The following PI4KA variants were observed in gnomAD, a reference collection of about 807,000 sequenced individuals.
PI4KA encodes phosphatidylinositol 4-kinase alpha.
PI4KA carries 122 observed loss-of-function variants against 271.4 expected under a neutral mutation model. That is an observed-to-expected ratio of 0.45 (90% CI 0.39 to 0.52). The LOEUF is 0.52. Among genes scored for constraint, PI4KA ranks in the 20% least tolerant of loss-of-function variants. The probability of loss-of-function intolerance (pLI) is 0.00; values close to 1 mark genes in which losing one functional copy is unlikely to be tolerated. For synonymous variants in PI4KA, 1,041 were observed against 1,078.8 expected (o/e 0.96, Z 0.69); for missense variants, 1,969 against 2,769.1 (o/e 0.71, Z 6.48).
intron 3 of PI4KA, among the ~76,000 whole-genome samples, chr22:20,826,081 A>G (rs1374912366): frequency 6.6e-6 from 1 of 152,116 alleles, no homozygotes; most frequent in Non-Finnish European, 1.5e-5. Context: ...GTGGCCTCAC[A>G]CTTGTAATCC....
chr22:20,792,211 T>C (rs1180085339), intron 19 of PI4KA, among the ~76,000 whole-genome samples: 1 of 152,204 alleles, frequency 6.6e-6, no homozygotes, highest in Non-Finnish European at 1.5e-5. Context: ...TCAGTTACTA[T>C]TTTTCATCTA....
At chr22:20,853,948 T>G (rs178064) in intron 1 of PI4KA, among the ~76,000 whole-genome samples, 72,939 of 149,742 alleles carry the variant, frequency 0.49, 18,292 homozygotes, top group African/African-American at 0.59. Flanking sequence ...GGATTTATGG[T>G]ATTTCATTGG....
In PI4KA at chr22:20,799,129, A is replaced by G. The variant is rs1601524319; in HGVS notation, c.1968T>C (p.Ile656=). ...CQPPSPLDVL[I]IDQLGCLVIT... is the part of the protein sequence containing the mutation. ...TAACCAGGCAGCCCAGCTGGTCAAT[A>G]ATCAGCACATCGAGGGGGGAGGGTG... The change falls in exon 16 of 55, where the codon ATT becomes ATC. Residue 656 remains isoleucine, a synonymous_variant. Transcript: ENST00000255882. 1 of 1,613,602 alleles carries G rather than the reference A, an allele frequency of 6.2e-7. No individual in the cohort carries two copies. The highest frequency in any genetic ancestry group is 2.2e-5 in the East Asian group (1 of 44,856).
At chr22:20,769,596 G>C (rs1932783529) in intron 19 of PI4KA, among the ~76,000 whole-genome samples, 1 of 151,604 alleles carries the variant, frequency 6.6e-6, no homozygotes. Flanking sequence ...TTGAAACCAG[G>C]AGGCCGAGGT....
In PI4KA at chr22:20,809,809, G is replaced by A. The variant is rs186504955; in HGVS notation, c.1071+1158C>T. ...CAACTTGGGGAGTTATAAGAACTCTGTTACTTAACCAAGAACCAACCCAGA... is the reference window on the plus strand; with the variant it reads ...CAACTTGGGGAGTTATAAGAACTCTATTACTTAACCAAGAACCAACCCAGA... On this transcript the variant is annotated intron_variant, in intron 9 of 54. Transcript: ENST00000255882. Among the ~76,000 whole-genome samples, 125 of 152,308 alleles carry A rather than the reference G, an allele frequency of 8.2e-4. 3 individuals are homozygous for A. Among genetic ancestry groups the A allele is most frequent in the South Asian group, 7.0e-3 (34 of 4,824 alleles).
intron 29 of PI4KA, among the ~76,000 whole-genome samples, chr22:20,745,587 G>T (rs184549209): frequency 6.6e-6 from 1 of 152,220 alleles, no homozygotes; most frequent in East Asian, 1.9e-4. Context: ...TTTCTCTCAT[G>T]AAATTATTAA....
intron 8 of PI4KA, 28 bp from the exon 9 acceptor site, chr22:20,811,060 C>T (rs1380266252): frequency 2.6e-6 from 4 of 1,544,088 alleles, no homozygotes; most frequent in Non-Finnish European, 3.6e-6. Context: ...CCTCATGAAG[C>T]AACTGACATA....
At chr22:20,854,669 C>T (rs1395903135) in intron 1 of PI4KA, among the ~76,000 whole-genome samples, 12 of 152,010 alleles carry the variant, frequency 7.9e-5, no homozygotes, top group Admixed American at 7.9e-4. Flanking sequence ...CCAGGTCAAC[C>T]CTATCTAGAT....
intron 12 of PI4KA, among the ~76,000 whole-genome samples, chr22:20,804,050 G>A (rs1935496446): frequency 6.6e-6 from 1 of 152,208 alleles, no homozygotes; most frequent in Admixed American, 6.5e-5. Flanking sequence ...ATGGCCCCCA[G>A]CCTCACAACA....
In PI4KA at chr22:20,726,751, G is replaced by A. The variant is rs3788324; in HGVS notation, c.4942-210C>T. Among the ~76,000 whole-genome samples the A allele has an allele frequency of 8.0e-3, 1,225 of 152,346 alleles. 9 individuals carry two copies. Among genetic ancestry groups the A allele is most frequent in the East Asian group, 0.055 (284 of 5,178 alleles). On this transcript the variant is annotated intron_variant, in intron 41 of 54. Coordinates refer to ENST00000255882, the MANE Select transcript of PI4KA (RefSeq NM_058004.4). ...GCAAGGCTCCCGCTCTACAGCGGGC[G>A]AGGGCCTCGTGCTCCTCACTAGGGA...
Position 20,712,505 on chromosome 22 carries a change from G to T in PI4KA, c.5783C>A (p.Ser1928Tyr), listed in dbSNP as rs770021423. The change falls in exon 50 of 55, where the codon TCC becomes TAC. Residue 1928 changes from serine to tyrosine, a missense_variant. Coordinates refer to ENST00000255882, the MANE Select transcript of PI4KA (RefSeq NM_058004.4). ...GGCTACCTGCTGGAAGGCCAGAGTGGACTCATCCCCGTACTGGCGTGTGAA... is the reference window on the plus strand; with the variant it reads ...GGCTACCTGCTGGAAGGCCAGAGTGTACTCATCCCCGTACTGGCGTGTGAA... ...DYFTRQYGDE[S>Y]TLAFQQARYN... is the part of the protein sequence containing the mutation. 2.6e-5 allele frequency: 42 copies of T among 1,606,584 alleles called. 1 individual carries two copies. In the South Asian group the frequency reaches 4.6e-4, roughly 17 times the overall value.
At chr22:20,772,247 C>T (rs536694611) in intron 19 of PI4KA, among the ~76,000 whole-genome samples, 33 of 152,346 alleles carry the variant, frequency 2.2e-4, no homozygotes, top group South Asian at 1.5e-3. Flanking sequence ...GGTGACGCCT[C>T]GGTGAAACCA....
In PI4KA at chr22:20,747,709, T is replaced by C. The variant is rs372934647; in HGVS notation, c.3244-7A>G. 6 of 1,611,766 alleles carry C rather than the reference T, an allele frequency of 3.7e-6. No individual in the cohort carries two copies. Among genetic ancestry groups the C allele is most frequent in the African/African-American group, 2.7e-5 (2 of 74,836 alleles). On this transcript the variant is annotated splice_polypyrimidine_tract_variant and splice_region_variant and intron_variant, in intron 28 of 54. Coordinates refer to ENST00000255882, the MANE Select transcript of PI4KA (RefSeq NM_058004.4). ...GATGTTTGTTCAGATATTCCTGAAA[T>C]AGGAAAAACACATGGGGTTTCAGTT... is the stretch of plus-strand genomic sequence containing the variant.
intron 3 of PI4KA, among the ~76,000 whole-genome samples, chr22:20,828,565 T>G (rs891731292): frequency 4.7e-5 from 7 of 148,624 alleles, no homozygotes; most frequent in East Asian, 3.9e-4. Context: ...TTTTTTGGGG[T>G]TTTTTTTTGA....
intron 19 of PI4KA, among the ~76,000 whole-genome samples, chr22:20,775,154 C>A (rs755659657): frequency 8.6e-5 from 13 of 151,806 alleles, no homozygotes; most frequent in Non-Finnish European, 1.6e-4. Flanking sequence ...GCCAACCCAG[C>A]TCTGGCAATT....
chr22:20,848,184 G>C (rs1926507178), intron 1 of PI4KA, among the ~76,000 whole-genome samples: 1 of 148,296 alleles, frequency 6.7e-6, no homozygotes, highest in East Asian at 2.0e-4. Flanking sequence ...GTTGCAGTGA[G>C]CTGAGATTGT....
At chr22:20,853,804 G>A (rs1927276480) in intron 1 of PI4KA, among the ~76,000 whole-genome samples, 1 of 152,040 alleles carries the variant, frequency 6.6e-6, no homozygotes, top group African/African-American at 2.4e-5. Context: ...TCAGGTTGGG[G>A]TAGCTCACAC....
intron 45 of PI4KA, among the ~76,000 whole-genome samples, chr22:20,716,917 A>T (rs1926072277): frequency 6.6e-6 from 1 of 152,186 alleles, no homozygotes; most frequent in Non-Finnish European, 1.5e-5. Context: ...TGCACAGGAC[A>T]GAGTTTGGAA....
chr22:20,708,240 C>T, intron 54 of PI4KA, 142 bp from the exon 55 acceptor site: 1 of 727,950 alleles, frequency 1.4e-6, no homozygotes, highest in South Asian at 1.5e-5. Flanking sequence ...GCGTGCCCTC[C>T]CCCACCCAGT....
Sources: allele counts gnomAD v4.1 joint callset (sites outside exome capture counted in the v4.1 genomes callset), GRCh38; gene constraint gnomAD v4.1.1; transcripts MANE v1.5; gene names NCBI Gene and HGNC (gene_info 2026-07-23, HGNC 2026-07-21).